Variants in NAALADL2 observed in about 807,000 individuals in gnomAD.
The protein encoded by NAALADL2 is N-acetylated alpha-linked acidic dipeptidase like 2.
A neutral mutation model predicts 87.2 loss-of-function variants in NAALADL2; 76 were observed. That is an observed-to-expected ratio of 0.87 (90% CI 0.72 to 1.05). NAALADL2 has a LOEUF of 1.05. Ranked by LOEUF, NAALADL2 falls within the 50% of genes least tolerant of loss-of-function variation. The pLI, the probability that NAALADL2 is intolerant of heterozygous loss-of-function variation, is 0.00. For synonymous variants in NAALADL2, 354 were observed against 331.0 expected (o/e 1.07, Z -0.75); for missense variants, 1,089 against 945.8 (o/e 1.15, Z -1.99).
upstream of NAALADL2, chr3:174,859,184 C>T (rs911375435): frequency 8.4e-6 from 4 of 474,816 alleles, no homozygotes; most frequent in South Asian, 8.0e-5. Flanking sequence ...TTGTGAAGTA[C>T]ACTTTAATAG....
intron 5 of NAALADL2, among the ~76,000 whole-genome samples, chr3:175,425,588 G>A (rs1024387003): frequency 3.3e-5 from 5 of 151,958 alleles, no homozygotes; most frequent in Non-Finnish European, 2.9e-5. Flanking sequence ...GGTCATTAAG[G>A]GGATTGGAGT....
intron 2 of NAALADL2, among the ~76,000 whole-genome samples, chr3:174,701,546 TGTA>T (rs1310163969): frequency 6.6e-6 from 1 of 152,188 alleles, no homozygotes; most frequent in Non-Finnish European, 1.5e-5. Flanking sequence ...ATCATTACAA[TGTA>T]ATGAGATATT....
intron 2 of NAALADL2, chr3:174,632,120 G>A (rs149900129): frequency 6.6e-5 from 10 of 152,350 alleles, no homozygotes; most frequent in African/African-American, 2.4e-4. Flanking sequence ...AAGCAGTGTA[G>A]TGAATAGAGG....
chr3:174,785,665 C>T (rs1462790499), intron 3 of NAALADL2, among the ~76,000 whole-genome samples: 1 of 152,026 alleles, frequency 6.6e-6, no homozygotes, highest in Non-Finnish European at 1.5e-5. Flanking sequence ...TGTTGTGTTG[C>T]TACATTTCAA....
chr3:174,445,100 A>T (rs1164869609), intron 1 of NAALADL2, among the ~76,000 whole-genome samples: 1 of 150,620 alleles, frequency 6.6e-6, no homozygotes, highest in Non-Finnish European at 1.5e-5. Flanking sequence ...TTGGCAGGGG[A>T]TGGTGATAAC....
rs202142897 is a variant in NAALADL2 at position 174,893,101 on chromosome 3, G to A, written c.43+33651G>A. On this transcript the variant is annotated intron_variant, in intron 1 of 13. Coordinates refer to ENST00000454872, the MANE Select transcript of NAALADL2 (RefSeq NM_207015.3). Reference sequence around the variant, plus strand: ...AAGTGGACCTCCAATATGTCTGGCAGCAGACTCTTCAGTGGAAACTTTACA... The same window carrying A: ...AAGTGGACCTCCAATATGTCTGGCAACAGACTCTTCAGTGGAAACTTTACA... Among the ~76,000 whole-genome samples, 15 of 152,224 alleles carry A rather than the reference G, an allele frequency of 9.9e-5. No individual in the cohort carries two copies. The East Asian group carries it at 2.7e-3, about 27-fold the overall frequency.
rs569973419 is a variant in NAALADL2, at chr3:175,376,243, T to A, written c.1090+51918T>A. Among the ~76,000 whole-genome samples, 1,050 of 152,248 alleles carry A rather than the reference T, an allele frequency of 6.9e-3. 8 individuals are homozygous for A. Among genetic ancestry groups the A allele is most frequent in the Non-Finnish European group, 0.012 (811 of 67,968 alleles). On this transcript the variant is annotated intron_variant, in intron 5 of 13. Coordinates refer to ENST00000454872, the MANE Select transcript of NAALADL2 (RefSeq NM_207015.3). ...ATCTCTGAATTTCCATCTGGTAACC[T>A]TTTTCTTCACCCTAAAGAACTTATT...
intron 1 of NAALADL2, among the ~76,000 whole-genome samples, chr3:174,505,952 G>A (rs1401986095): frequency 6.6e-6 from 1 of 152,012 alleles, no homozygotes; most frequent in Non-Finnish European, 1.5e-5. Context: ...ACTTGTATTG[G>A]TCTTTTAGTG....
intron 1 of NAALADL2, among the ~76,000 whole-genome samples, chr3:174,979,406 C>T (rs113053562): frequency 0.039 from 5,812 of 147,304 alleles, 369 homozygotes; most frequent in African/African-American, 0.14. Context: ...CCTGGGTTCA[C>T]GCCATTCTCC....
chr3:175,423,051 A>ATATATTTT (rs1458599872), intron 5 of NAALADL2, among the ~76,000 whole-genome samples: 11 of 91,500 alleles, frequency 1.2e-4, no homozygotes, highest in Admixed American at 3.0e-4. Flanking sequence ...ATATATATAT[A>ATATATTTT]TTTTTTTTTT....
At chr3:175,013,272 TATATAC>T (rs1338044235) in intron 1 of NAALADL2, among the ~76,000 whole-genome samples, 46 of 96,330 alleles carry the variant, frequency 4.8e-4, no homozygotes, top group African/African-American at 2.3e-3. Context: ...TATTTTTATA[TATATAC>T]ATATATATAT....
chr3:175,716,380 T>TAC (rs1424016505), intron 11 of NAALADL2, among the ~76,000 whole-genome samples: 1 of 148,620 alleles, frequency 6.7e-6, no homozygotes, highest in Non-Finnish European at 1.5e-5. Flanking sequence ...TGTATACATA[T>TAC]ACACACACAC....
chr3:175,155,650 C>T (rs546122318), intron 2 of NAALADL2, among the ~76,000 whole-genome samples: 2 of 151,808 alleles, frequency 1.3e-5, no homozygotes, highest in Non-Finnish European at 2.9e-5. Context: ...TGATTATTAG[C>T]CATCCTGTTT....
chr3:175,803,356 T>C lies in NAALADL2; in HGVS notation c.*153T>C. 1 of 457,556 alleles carries C rather than the reference T, an allele frequency of 2.2e-6. No homozygotes were observed. The highest frequency in any genetic ancestry group is 3.8e-6 in the Non-Finnish European group (1 of 262,836). 28.3% of individuals were successfully genotyped at this position (457,556 alleles called of 1,614,324 possible). ...ACATTGTATTTTTTAAATGTAAATATAGAAAGAACATTTTGCACATTTAAT... is the reference window on the plus strand; with the variant it reads ...ACATTGTATTTTTTAAATGTAAATACAGAAAGAACATTTTGCACATTTAAT... On this transcript the variant is annotated 3_prime_UTR_variant, in exon 14 of 14. Coordinates refer to ENST00000454872, the MANE Select transcript of NAALADL2 (RefSeq NM_207015.3).
intron 1 of NAALADL2, among the ~76,000 whole-genome samples, chr3:174,466,273 A>G (rs896716956): frequency 7.3e-6 from 1 of 137,648 alleles, no homozygotes; most frequent in Non-Finnish European, 1.6e-5. Context: ...ACATTATGAG[A>G]TTTTTTTTTT....
intron 2 of NAALADL2, among the ~76,000 whole-genome samples, chr3:174,612,748 C>T (rs1428056376): frequency 6.6e-6 from 1 of 152,098 alleles, no homozygotes; most frequent in Non-Finnish European, 1.5e-5. Flanking sequence ...TTTGAATTAT[C>T]TATCTGAAAG....
chr3:175,169,253 G>A (rs1734434122), intron 2 of NAALADL2, among the ~76,000 whole-genome samples: 1 of 151,230 alleles, frequency 6.6e-6, no homozygotes, highest in Non-Finnish European at 1.5e-5. Context: ...AAATACTTTT[G>A]GATTAGTTAT....
chr3:174,620,943 T>C (rs1720935934), intron 2 of NAALADL2, among the ~76,000 whole-genome samples: 1 of 152,114 alleles, frequency 6.6e-6, no homozygotes, highest in Non-Finnish European at 1.5e-5. Context: ...CAATCTTATA[T>C]TTGAAGATGG....
At chr3:175,055,399 A>G (rs7646651) in intron 1 of NAALADL2, among the ~76,000 whole-genome samples, 33,936 of 152,162 alleles carry the variant, frequency 0.22, 5,046 homozygotes, top group African/African-American at 0.42. Flanking sequence ...TAATCATATC[A>G]TTCCCTCTGG....
Sources: gnomAD v4.1 joint callset for allele counts (sites outside exome capture counted in the v4.1 genomes callset) on GRCh38, gnomAD v4.1.1 for gene constraint, MANE v1.5 for transcripts, NCBI Gene and HGNC (gene_info 2026-07-23, HGNC 2026-07-21) for gene names.